OR11A1: variants seen among roughly 807,000 people sequenced by gnomAD.
OR11A1 encodes the protein olfactory receptor 11A1.
For missense variants in OR11A1, 380 were observed against 378.2 expected, an observed-to-expected ratio of 1.00 and a Z score of -0.04; for synonymous variants, 158 against 152.2, an observed-to-expected ratio of 1.04 and a Z score of -0.28.
intron 1 of OR11A1, among the ~76,000 whole-genome samples, chr6:29,454,702 C>T (rs1785841453): frequency 6.6e-6 from 1 of 152,080 alleles, no homozygotes; most frequent in South Asian, 2.1e-4. Context: ...CAAATGTCAT[C>T]AACTGGTGAG....
chr6:29,441,623 G>A (rs1320714658), intron 1 of OR11A1, among the ~76,000 whole-genome samples: 1 of 152,064 alleles, frequency 6.6e-6, no homozygotes, highest in Non-Finnish European at 1.5e-5. Context: ...TAGATTCAAG[G>A]GTACATGTGC....
chr6:29,440,943 A>G lies in OR11A1; in HGVS notation c.-388-8956T>C, dbSNP rs61735219. ...GAGAACCATCCAGAAAACGGTGCCTATGGAGATTTGAAAAGGGGGCGATAG... is the reference window on the plus strand; with the variant it reads ...GAGAACCATCCAGAAAACGGTGCCTGTGGAGATTTGAAAAGGGGGCGATAG... On this transcript the variant is annotated intron_variant, in intron 1 of 4. Coordinates refer to ENST00000377149, the MANE Select transcript of OR11A1 (RefSeq NM_001394828.1). 9.2e-3 allele frequency: 14,814 copies of G among 1,607,164 alleles called. 123 individuals are homozygous for G. The highest frequency in any genetic ancestry group is 0.014 in the South Asian group (1,280 of 90,994).
chr6:29,456,051 G>GA (rs1786161289), intron 1 of OR11A1, among the ~76,000 whole-genome samples: 1 of 151,844 alleles, frequency 6.6e-6, no homozygotes, highest in South Asian at 2.1e-4. Context: ...TCAATGTGGT[G>GA]AAACACCGTC....
chr6:29,444,541 A>G (rs1445305530), intron 1 of OR11A1, among the ~76,000 whole-genome samples: 1 of 152,226 alleles, frequency 6.6e-6, no homozygotes, highest in African/African-American at 2.4e-5. Flanking sequence ...ATTGAGTTCC[A>G]GATCCACTAT....
chr6:29,438,709 A>C (rs1358345634), intron 1 of OR11A1, among the ~76,000 whole-genome samples: 2 of 152,222 alleles, frequency 1.3e-5, no homozygotes, highest in Non-Finnish European at 2.9e-5. Context: ...GGTTTTGTGA[A>C]GCATTCTCCC....
At chr6:29,449,537 T>C (rs926079213) in intron 1 of OR11A1, among the ~76,000 whole-genome samples, 1 of 152,214 alleles carries the variant, frequency 6.6e-6, no homozygotes, top group African/African-American at 2.4e-5. Context: ...AAAAAGTATC[T>C]TTCTTTCCCA....
Position 29,457,036 on chromosome 6 carries a change from C to G in OR11A1, c.-438G>C, listed in dbSNP as rs1786419344. ...CGTTTTTAGTAGGGAGCCTTAGTTT[C>G]TCCCCATATGTGTGTTTCCATTCAC... On this transcript the variant is annotated 5_prime_UTR_variant, in exon 1 of 5. Coordinates refer to ENST00000377149, the MANE Select transcript of OR11A1 (RefSeq NM_001394828.1). The G allele has an allele frequency of 1.3e-5, 2 of 152,180 alleles. No individual in the cohort carries two copies. Among genetic ancestry groups the G allele is most frequent in the South Asian group, 4.1e-4 (2 of 4,830 alleles). 9.4% of individuals were successfully genotyped at this position (152,180 alleles called of 1,614,324 possible).
intron 1 of OR11A1, chr6:29,450,650 G>T (rs527981800): frequency 6.6e-6 from 1 of 152,172 alleles, no homozygotes; most frequent in South Asian, 2.1e-4. Context: ...GCTAGACAGA[G>T]AGATGAAAGA....
intron 2 of OR11A1, among the ~76,000 whole-genome samples, chr6:29,430,757 C>A (rs1343046679): frequency 1.3e-5 from 2 of 152,048 alleles, no homozygotes; most frequent in African/African-American, 4.8e-5. Flanking sequence ...CAGACTCAAT[C>A]GCTACACAAT....
chr6:29,426,709 A>C lies in OR11A1; in HGVS notation c.933T>G (p.Thr311=), dbSNP rs990299362. 3 of 1,609,214 alleles carry C rather than the reference A, an allele frequency of 1.9e-6. No individual in the cohort carries two copies. The Admixed American group carries it at 5.0e-5, about 27-fold the overall frequency. ...ALRKILCIKQ[T]ETLD ...TTACTCTCCTTCAATCAAGTGTTTC[A>C]GTTTGTTTGATACAGAGAATCTTCC... Residue 311 remains threonine (T), a synonymous_variant, in exon 5 of 5, where the codon ACT becomes ACG. Coordinates refer to ENST00000377149, the MANE Select transcript of OR11A1 (RefSeq NM_001394828.1).
At chr6:29,444,537 T>C (rs1266078995) in intron 1 of OR11A1, among the ~76,000 whole-genome samples, 1 of 152,090 alleles carries the variant, frequency 6.6e-6, no homozygotes, top group Non-Finnish European at 1.5e-5. Flanking sequence ...CTGGATTGAG[T>C]TCCAGATCCA....
chr6:29,435,747 A>G (rs1783578779), intron 1 of OR11A1, among the ~76,000 whole-genome samples: 1 of 152,246 alleles, frequency 6.6e-6, no homozygotes, highest in South Asian at 2.1e-4. Flanking sequence ...AGATTTACAT[A>G]GTCTTACCAT....
chr6:29,455,825 G>T (rs1405750378), intron 1 of OR11A1, among the ~76,000 whole-genome samples: 1 of 135,152 alleles, frequency 7.4e-6, no homozygotes, highest in East Asian at 2.2e-4. Context: ...TTAGTGAGCC[G>T]AGATCGTGCC....
chr6:29,442,832 T>C (rs1448412876), intron 1 of OR11A1, among the ~76,000 whole-genome samples: 2 of 152,240 alleles, frequency 1.3e-5, no homozygotes, highest in African/African-American at 2.4e-5. Context: ...GCTTTTCCTC[T>C]GATAATTTAA....
rs912190238 is a variant in OR11A1 at position 29,426,780 on chromosome 6, G to A, written c.862C>T (p.Pro288Ser). ...LYTVVTPLFN[P>S]VIYTMRNKEV... is the part of the protein sequence containing the mutation. ...TTGTTCCTCATGGTATAGATCACAG[G>A]ATTGAAGAGAGGGGTGACCACAGTG... Residue 288 changes from proline (P) to serine (S), a missense_variant, in exon 5 of 5, where the codon CCT (proline) becomes TCT (serine). Pro to Ser is a moderately conservative substitution (Grantham distance 74). Coordinates refer to ENST00000377149, the MANE Select transcript of OR11A1 (RefSeq NM_001394828.1). The A allele has an allele frequency of 1.9e-6, 3 of 1,612,990 alleles. No individual in the cohort carries two copies. Among genetic ancestry groups the A allele is most frequent in the African/African-American group, 2.7e-5 (2 of 74,922 alleles).
chr6:29,426,929 G>T lies in OR11A1; in HGVS notation c.713C>A (p.Ala238Asp). The T allele has an allele frequency of 6.2e-7, 1 of 1,613,032 alleles. No individual in the cohort carries two copies. Among genetic ancestry groups the T allele is most frequent in the Middle Eastern group, 1.7e-4 (1 of 6,060 alleles). ...TAGGTGGGAGGAGCATGTGGAGAAA[G>T]CCCTTCTCCTGCTTGCCCCAGCAGG... ...RVPAGASRRR[A>D]FSTCSSHLAV... is the part of the protein sequence containing the mutation. The change falls in exon 5 of 5, where the codon GCT becomes GAT. Residue 238 changes from alanine to aspartate, a missense_variant. Transcript: ENST00000377149.
At chr6:29,450,121 T>A (rs957333029) in intron 1 of OR11A1, 7 of 152,154 alleles carry the variant, frequency 4.6e-5, no homozygotes, top group African/African-American at 1.7e-4. Flanking sequence ...AGATATGGGA[T>A]GTAGAAAGAC....
intron 1 of OR11A1, among the ~76,000 whole-genome samples, chr6:29,454,286 A>G (rs1785779597): frequency 6.6e-6 from 1 of 152,146 alleles, no homozygotes; most frequent in African/African-American, 2.4e-5. Context: ...TGGACAATAT[A>G]GTCTTTCATT....
chr6:29,431,284 CA>C (rs1474136405), intron 2 of OR11A1, among the ~76,000 whole-genome samples: 1 of 151,530 alleles, frequency 6.6e-6, no homozygotes, highest in African/African-American at 2.4e-5. Context: ...GTCTGCTAAA[CA>C]AACATGTTAT....
Sources: gnomAD v4.1 joint callset for allele counts (sites outside exome capture counted in the v4.1 genomes callset) on GRCh38, gnomAD v4.1.1 for gene constraint, MANE v1.5 for transcripts, NCBI Gene and HGNC (gene_info 2026-07-23, HGNC 2026-07-21) for gene names.